The following NRG3 variants were observed in gnomAD, a reference collection of about 807,000 sequenced individuals.
NRG3 encodes pro-neuregulin-3, membrane-bound isoform.
Under a neutral mutation model 66.9 loss-of-function variants are expected in NRG3, and 31 were observed. The ratio of observed to expected loss-of-function variants is 0.46; its 90% CI spans 0.35 to 0.63. The LOEUF (loss-of-function observed/expected upper bound fraction) is 0.63, where lower values mean the gene tolerates loss of function less well. NRG3 is among the 20% of genes least tolerant of loss of function. NRG3 has a pLI of 0.00. For missense variants in NRG3, 910 were observed against 878.9 expected, an observed-to-expected ratio of 1.04 and a Z score of -0.45; for synonymous variants, 393 against 359.4, an observed-to-expected ratio of 1.09 and a Z score of -1.06.
intron 2 of NRG3, among the ~76,000 whole-genome samples, chr10:82,401,717 C>T (rs139323951): frequency 1.8e-3 from 274 of 152,080 alleles, no homozygotes; most frequent in Non-Finnish European, 2.1e-3. Context: ...AAAAATAATT[C>T]ATTTGAATTA....
At chr10:82,712,447 G>T (rs1260148814) in intron 2 of NRG3, among the ~76,000 whole-genome samples, 1 of 152,110 alleles carries the variant, frequency 6.6e-6, no homozygotes, top group Non-Finnish European at 1.5e-5. Flanking sequence ...AAACCTTCGG[G>T]TGCATCAGAA....
chr10:82,309,303 A>G (rs986428844), intron 1 of NRG3, among the ~76,000 whole-genome samples: 3 of 152,196 alleles, frequency 2.0e-5, no homozygotes, highest in Non-Finnish European at 4.4e-5. Flanking sequence ...AATTGGTACT[A>G]GTTTTTAACA....
In NRG3 at chr10:82,370,014, C is replaced by T. The variant is rs2084779816; in HGVS notation, c.953+11146C>T. On this transcript the variant is annotated intron_variant, in intron 2 of 8. Transcript: ENST00000372141. The stretch of plus-strand genomic sequence containing the variant: ...AGAGGCGGGGGCAGGTGCTTTGGCT[C>T]CACAGTGGTGTCTGGAGGTGGATAC... Among the ~76,000 whole-genome samples, 8 of 138,364 alleles carry T rather than the reference C, an allele frequency of 5.8e-5. 3 individuals carry two copies. The highest frequency in any genetic ancestry group is 2.7e-4 in the African/African-American group (8 of 29,872). The allele number at this position is 138,364 out of a possible 152,430, so 90.8% of individuals were successfully genotyped here. A position where few individuals can be genotyped will look rare whatever the true frequency, so the allele number is the denominator to read the frequency against.
chr10:82,211,270 T>C (rs79496187), intron 1 of NRG3, among the ~76,000 whole-genome samples: 2,660 of 152,286 alleles, frequency 0.017, 55 homozygotes, highest in South Asian at 0.042. Flanking sequence ...TTAACCAAGC[T>C]TTAAACTTTA....
intron 1 of NRG3, among the ~76,000 whole-genome samples, chr10:82,284,088 G>A (rs948350354): frequency 6.6e-6 from 1 of 152,152 alleles, no homozygotes; most frequent in Non-Finnish European, 1.5e-5. Context: ...GAATTAACTG[G>A]CACCCATTGT....
intron 1 of NRG3, among the ~76,000 whole-genome samples, chr10:82,336,534 T>C (rs1294395610): frequency 2.6e-5 from 4 of 151,608 alleles, no homozygotes; most frequent in South Asian, 2.1e-4. Context: ...CTTTTCTTTT[T>C]TTTTTTTTTT....
At chr10:82,289,690 A>C (rs1178705919) in intron 1 of NRG3, among the ~76,000 whole-genome samples, 1 of 152,142 alleles carries the variant, frequency 6.6e-6, no homozygotes, top group Non-Finnish European at 1.5e-5. Context: ...ACATATTTTC[A>C]TCTTTTCTAC....
At chr10:81,952,413 G>A (rs779146066) in intron 1 of NRG3, among the ~76,000 whole-genome samples, 3 of 151,962 alleles carry the variant, frequency 2.0e-5, no homozygotes, top group African/African-American at 4.8e-5. Context: ...GAGAGAGGGA[G>A]GGGAGAGAGA....
At chr10:82,932,446 A>G (rs565292151) in intron 4 of NRG3, among the ~76,000 whole-genome samples, 4 of 152,308 alleles carry the variant, frequency 2.6e-5, no homozygotes, top group South Asian at 4.1e-4. Context: ...CTTTAATTGA[A>G]TGTTCTCTTA....
intron 2 of NRG3, among the ~76,000 whole-genome samples, chr10:82,634,887 G>C (rs74146139): frequency 0.1 from 15,366 of 152,156 alleles, 909 homozygotes; most frequent in East Asian, 0.22. Context: ...GCCATCAGGT[G>C]CACCTTTCTA....
intron 3 of NRG3, among the ~76,000 whole-genome samples, chr10:82,768,910 T>C (rs1484784365): frequency 6.6e-6 from 1 of 152,126 alleles, no homozygotes; most frequent in Non-Finnish European, 1.5e-5. Context: ...TCAAGCAATT[T>C]GATTTTTGAA....
intron 2 of NRG3, among the ~76,000 whole-genome samples, chr10:82,495,484 A>G (rs1349729494): frequency 6.6e-6 from 1 of 150,728 alleles, no homozygotes; most frequent in Non-Finnish European, 1.5e-5. Flanking sequence ...TCTCCCTTCC[A>G]TTTACCCAAC....
chr10:82,136,584 A>G (rs891515593), intron 1 of NRG3, among the ~76,000 whole-genome samples: 2 of 152,104 alleles, frequency 1.3e-5, no homozygotes, highest in Non-Finnish European at 2.9e-5. Flanking sequence ...CTCAAGTAGG[A>G]GTCTCTCCCT....
At chr10:82,408,488 A>G (rs1002577793) in intron 2 of NRG3, among the ~76,000 whole-genome samples, 1 of 152,050 alleles carries the variant, frequency 6.6e-6, no homozygotes, top group African/African-American at 2.4e-5. Context: ...TTAGCACAAG[A>G]AGTATCTTTT....
chr10:81,963,699 T>C (rs556337613), intron 1 of NRG3, among the ~76,000 whole-genome samples: 1 of 152,194 alleles, frequency 6.6e-6, no homozygotes, highest in African/African-American at 2.4e-5. Context: ...ACGTCCACTT[T>C]CATGATGCAG....
rs183787881 is a variant in NRG3, at chr10:82,433,252, G to T, written c.953+74384G>T. 5.3e-5 allele frequency among the ~76,000 whole-genome samples: 8 copies of T among 152,116 alleles called. No individual in the cohort carries two copies. The East Asian group carries it at 1.5e-3, about 29-fold the overall frequency. ...TTTTTTTCATATGTTCGATGGCCACGTAGATGTCTTCTTTTGAGAAGTGTC... is the reference window on the plus strand; with the variant it reads ...TTTTTTTCATATGTTCGATGGCCACTTAGATGTCTTCTTTTGAGAAGTGTC... On this transcript the variant is annotated intron_variant, in intron 2 of 8. Transcript: ENST00000372141.
At chr10:82,299,571 G>C (rs1238409736) in intron 1 of NRG3, among the ~76,000 whole-genome samples, 1 of 149,592 alleles carries the variant, frequency 6.7e-6, no homozygotes, top group Admixed American at 6.7e-5. Flanking sequence ...TATTGTTGTT[G>C]TTAGTTTGTT....
intron 2 of NRG3, among the ~76,000 whole-genome samples, chr10:82,683,907 T>C (rs1230452831): frequency 6.6e-6 from 1 of 152,198 alleles, no homozygotes; most frequent in Admixed American, 6.5e-5. Context: ...AAAAAAATGT[T>C]GTGGAAGTGC....
At chr10:82,970,659 T>C (rs1851639357) in intron 6 of NRG3, among the ~76,000 whole-genome samples, 1 of 152,210 alleles carries the variant, frequency 6.6e-6, no homozygotes. Context: ...TCCCCAGGCT[T>C]TTACTTATAT....
Sources: gnomAD v4.1 joint callset for allele counts (sites outside exome capture counted in the v4.1 genomes callset) on GRCh38, gnomAD v4.1.1 for gene constraint, MANE v1.5 for transcripts, NCBI Gene and HGNC (gene_info 2026-07-23, HGNC 2026-07-21) for gene names.